The following GSE1 variants were observed in gnomAD, a reference collection of about 807,000 sequenced individuals.
GSE1 encodes Gse1 coiled-coil protein, also known as genetic suppressor element 1.
Under a neutral mutation model 112.6 loss-of-function variants are expected in GSE1, and 32 were observed. The observed-to-expected ratio is 0.28, with a 90% CI of 0.21 to 0.38. GSE1 has a LOEUF of 0.38. Ranked by LOEUF, GSE1 falls within the 10% of genes least tolerant of loss-of-function variation. The pLI, the probability that GSE1 is intolerant of heterozygous loss-of-function variation, is 1.00. For missense variants in GSE1, 2,348 were observed against 1,699.2 expected, an observed-to-expected ratio of 1.38 and a Z score of -6.71; for synonymous variants, 1,115 against 735.6, an observed-to-expected ratio of 1.52 and a Z score of -8.35.
At chr16:85,312,624 C>A (rs1248362294) in intron 1 of GSE1, among the ~76,000 whole-genome samples, 1 of 151,500 alleles carries the variant, frequency 6.6e-6, no homozygotes, top group East Asian at 1.9e-4. Flanking sequence ...TCCAGACTGC[C>A]ACATTCACAG....
chr16:85,613,225 G>T (rs1404873194), upstream of GSE1: 1 of 1,498,592 alleles, frequency 6.7e-7, no homozygotes, highest in Non-Finnish European at 8.9e-7. Flanking sequence ...GTCCTCGGCG[G>T]CGACAGCAGC....
intron 2 of GSE1, among the ~76,000 whole-genome samples, chr16:85,494,453 C>CCT (rs1555521395): frequency 2.8e-5 from 4 of 142,892 alleles, no homozygotes; most frequent in Admixed American, 2.1e-4. Context: ...ATAAGGTCAC[C>CCT]TTTTTTTTTT....
At chr16:85,350,570 G>T (rs1298745047) in intron 1 of GSE1, among the ~76,000 whole-genome samples, 1 of 152,112 alleles carries the variant, frequency 6.6e-6, no homozygotes, top group Non-Finnish European at 1.5e-5. Flanking sequence ...TGCACCCAAG[G>T]CCAAGACGCC....
intron 1 of GSE1, among the ~76,000 whole-genome samples, chr16:85,343,637 C>T (rs1220063821): frequency 1.3e-5 from 2 of 152,126 alleles, no homozygotes; most frequent in African/African-American, 4.8e-5. Flanking sequence ...GTAGACCCAG[C>T]TACTGAGGAG....
chr16:85,203,873 G>T lies in GSE1; in HGVS notation c.2283+32066G>T, dbSNP rs1365145668. ...CCACCTCAGCCTCCTGAGTAGCTGGGACTACAGGTGTGCACCACCATGACC... is the reference window on the plus strand; with the variant it reads ...CCACCTCAGCCTCCTGAGTAGCTGGTACTACAGGTGTGCACCACCATGACC... On this transcript the variant is annotated intron_variant, in intron 1 of 2. Transcript: ENST00000637419. Among the ~76,000 whole-genome samples the T allele has an allele frequency of 2.0e-5, 3 of 152,180 alleles. No individual in the cohort carries two copies. The East Asian group carries it at 5.8e-4, about 29-fold the overall frequency.
chr16:85,394,847 G>A (rs1457474496), intron 2 of GSE1, among the ~76,000 whole-genome samples: 1 of 152,162 alleles, frequency 6.6e-6, no homozygotes, highest in African/African-American at 2.4e-5. Flanking sequence ...TGGCTCCTTG[G>A]GCACACGGTT....
intron 1 of GSE1, among the ~76,000 whole-genome samples, chr16:85,182,074 C>T (rs959141134): frequency 3.9e-5 from 6 of 152,328 alleles, no homozygotes; most frequent in Non-Finnish European, 7.4e-5. Flanking sequence ...TTCCAGGCTG[C>T]GCGGCATCCC....
chr16:85,656,010 C>G (rs910768959), intron 6 of GSE1, 93 bp downstream of exon 6: 4 of 988,920 alleles, frequency 4.0e-6, no homozygotes, highest in East Asian at 5.1e-5. Flanking sequence ...GACTGGACTC[C>G]TTGGCCATGC....
chr16:85,177,584 C>T (rs372364501), intron 1 of GSE1, among the ~76,000 whole-genome samples: 80 of 152,246 alleles, frequency 5.3e-4, no homozygotes, highest in African/African-American at 1.6e-3. Context: ...AGGCGATTTG[C>T]GTTGTGTACG....
At position 85,576,051 on chromosome 16, in the gene GSE1, C is replaced by T. The variant is rs76765465; in HGVS notation, c.37+19688C>T. Among the ~76,000 whole-genome samples, 227 of 152,258 alleles carry T rather than the reference C, an allele frequency of 1.5e-3. 2 individuals carry two copies. The highest frequency in any genetic ancestry group is 5.2e-3 in the African/African-American group (216 of 41,554). ...TTCTTATCCTGGGCCCTGCTTAACA[C>T]ATTCTGTGCCAGGCCAGAGGCCCAC... On this transcript the variant is annotated intron_variant, in intron 1 of 2. Transcript: ENST00000635906.
chr16:85,520,844 T>G (rs998265569), intron 2 of GSE1, among the ~76,000 whole-genome samples: 37 of 152,250 alleles, frequency 2.4e-4, no homozygotes, highest in African/African-American at 8.4e-4. Flanking sequence ...GGGACCAGCC[T>G]GGGGGGAAGG....
chr16:85,480,750 C>G (rs530258827), intron 2 of GSE1, among the ~76,000 whole-genome samples: 2 of 151,970 alleles, frequency 1.3e-5, no homozygotes, highest in East Asian at 3.9e-4. Context: ...GTGGCCAGCA[C>G]TGTCGGTCAG....
chr16:85,670,402 T>A (rs1003053171), intron 14 of GSE1, among the ~76,000 whole-genome samples: 1 of 152,164 alleles, frequency 6.6e-6, no homozygotes, highest in Non-Finnish European at 1.5e-5. Context: ...TTGATGTTGC[T>A]CCATCCTTGT....
intron 2 of GSE1, among the ~76,000 whole-genome samples, chr16:85,507,143 G>A (rs1311661183): frequency 6.6e-6 from 1 of 152,212 alleles, no homozygotes; most frequent in Non-Finnish European, 1.5e-5. Context: ...GTCGACGCTC[G>A]CCGGCCCTGA....
At chr16:85,476,819 C>T (rs1302731119) in intron 2 of GSE1, among the ~76,000 whole-genome samples, 1 of 150,284 alleles carries the variant, frequency 6.7e-6, no homozygotes, top group Non-Finnish European at 1.5e-5. Flanking sequence ...CACTGTGTTG[C>T]CCCAGCTGGC....
intron 1 of GSE1, among the ~76,000 whole-genome samples, chr16:85,353,456 A>ATGTTCCCATCAAAAG (rs1555568399): frequency 8.6e-5 from 13 of 151,732 alleles, no homozygotes; most frequent in East Asian, 1.9e-4. Flanking sequence ...GCATCATTTT[A>ATGTTCCCATCAAAAG]CGTTCCCATC....
chr16:85,260,765 C>T (rs1048247868), intron 1 of GSE1, among the ~76,000 whole-genome samples: 4 of 152,264 alleles, frequency 2.6e-5, no homozygotes, highest in African/African-American at 9.6e-5. Context: ...CCACCATCTA[C>T]TCTCTGCTTC....
At chr16:85,609,392 C>T (rs557606728), upstream of GSE1, among the ~76,000 whole-genome samples, 1 of 152,356 alleles carries the variant, frequency 6.6e-6, no homozygotes, top group East Asian at 1.9e-4. Flanking sequence ...TGCCATCACA[C>T]CCAGCTAACC....
chr16:85,411,168 T>G, intron 2 of GSE1, among the ~76,000 whole-genome samples: 1 of 93,184 alleles, frequency 1.1e-5, no homozygotes, highest in East Asian at 3.0e-4. Context: ...TCCTCACTGT[T>G]ACACTCAGGC....
Sources: allele counts gnomAD v4.1 joint callset (sites outside exome capture counted in the v4.1 genomes callset), GRCh38; gene constraint gnomAD v4.1.1; transcripts MANE v1.5; gene names NCBI Gene and HGNC (gene_info 2026-07-23, HGNC 2026-07-21).